CUL2: variants seen among roughly 807,000 people sequenced by gnomAD.
The protein encoded by CUL2 is cullin 2.
Under a neutral mutation model 110.2 loss-of-function variants are expected in CUL2, and 22 were observed. The observed-to-expected ratio is 0.20, with a 90% CI of 0.14 to 0.28. The LOEUF (loss-of-function observed/expected upper bound fraction) is 0.28. Among genes scored for constraint, CUL2 ranks in the 10% least tolerant of loss-of-function variants. The pLI is 1.00. For missense variants in CUL2, 631 were observed against 905.5 expected (o/e 0.70, Z 3.89); for synonymous variants, 279 against 293.2 (o/e 0.95, Z 0.49).
intron 1 of CUL2, among the ~76,000 whole-genome samples, chr10:35,125,436 ACTC>A (rs1390095943): frequency 5.9e-5 from 9 of 152,254 alleles, no homozygotes; most frequent in Non-Finnish European, 1.2e-4. Flanking sequence ...ATTCATATGA[ACTC>A]CTGTTACAGA....
chr10:35,024,732 A>G (rs927651572), intron 17 of CUL2, among the ~76,000 whole-genome samples: 2 of 152,222 alleles, frequency 1.3e-5, no homozygotes, highest in African/African-American at 4.8e-5. Context: ...CTGCAGTATC[A>G]CAAGTAAAAA....
Position 35,011,840 on chromosome 10 carries a change from C to A in CUL2, c.2106+8G>T, listed in dbSNP as rs762707681. 6.5e-7 allele frequency: 1 copy of A among 1,533,600 alleles called. No homozygotes were observed. Among genetic ancestry groups the A allele is most frequent in the African/African-American group, 1.4e-5 (1 of 73,448 alleles). The allele number at this position is 1,533,600 out of a possible 1,614,324, so 95.0% of individuals were successfully genotyped here. A position where few individuals can be genotyped will look rare whatever the true frequency, so the allele number is the denominator to read the frequency against. ...CCTAAGAAGCCCTGAGGACTGCCCT[C>A]CTTTTACCTCTTGAATAAGGGCATT... On this transcript the variant is annotated splice_region_variant and intron_variant, in intron 20 of 20. Coordinates refer to ENST00000374749, the MANE Select transcript of CUL2 (RefSeq NM_003591.4).
At chr10:35,016,926 C>CAAAAAAAAAAAAA (rs1427211253) in intron 17 of CUL2, among the ~76,000 whole-genome samples, 1 of 60,966 alleles carries the variant, frequency 1.6e-5, no homozygotes, top group Non-Finnish European at 3.4e-5. Flanking sequence ...GACTCTGTCT[C>CAAAAAAAAAAAAA]AAAAAAAAAA....
intron 1 of CUL2, among the ~76,000 whole-genome samples, chr10:35,089,349 G>A (rs1046419944): frequency 4.6e-5 from 7 of 152,172 alleles, no homozygotes; most frequent in African/African-American, 9.6e-5. Context: ...GTTTTTAAGC[G>A]ATTATTATGT....
At chr10:35,122,705 T>C (rs2087691480) in intron 1 of CUL2, among the ~76,000 whole-genome samples, 1 of 152,202 alleles carries the variant, frequency 6.6e-6, no homozygotes, top group Non-Finnish European at 1.5e-5. Context: ...TGGCACAATC[T>C]TGGCTCACTG....
rs1194516303 is a variant in CUL2, at chr10:35,035,318, A to G, written c.878-22T>C. 2.5e-6 allele frequency: 4 copies of G among 1,612,106 alleles called. No individual in the cohort carries two copies. The Admixed American group carries it at 6.7e-5, about 27-fold the overall frequency. On this transcript the variant is annotated intron_variant, in intron 9 of 20. Coordinates refer to ENST00000374749, the MANE Select transcript of CUL2 (RefSeq NM_003591.4). ...ATGTCTGAGAGGAAAAAGACATCTG[A>G]GGGTTAACTCCCAAATATTTTCATT...
intron 1 of CUL2, among the ~76,000 whole-genome samples, chr10:35,116,951 C>T (rs1344456270): frequency 1.4e-5 from 2 of 138,348 alleles, no homozygotes; most frequent in Admixed American, 7.4e-5. Context: ...GGTGAGATTC[C>T]GTCTCAAAAA....
chr10:35,123,607 T>C (rs772344340), intron 1 of CUL2, among the ~76,000 whole-genome samples: 13 of 152,104 alleles, frequency 8.5e-5, no homozygotes, highest in Non-Finnish European at 8.8e-5. Flanking sequence ...CTGAATGACA[T>C]GAGTAGAAGA....
chr10:35,080,433 T>TTTATTTA (rs2086917242), intron 1 of CUL2, among the ~76,000 whole-genome samples: 1 of 140,634 alleles, frequency 7.1e-6, no homozygotes, highest in East Asian at 2.1e-4. Context: ...GAATTCCTAT[T>TTTATTTA]TTTATTTATT....
At chr10:35,046,116 C>A (rs10437420) in intron 6 of CUL2, among the ~76,000 whole-genome samples, 56,242 of 152,100 alleles carry the variant, frequency 0.37, 10,523 homozygotes, top group African/African-American at 0.43. Context: ...ATTCTGAGAA[C>A]TATTTTTTGG....
chr10:35,114,260 C>T (rs917020781), intron 1 of CUL2, among the ~76,000 whole-genome samples: 19 of 151,340 alleles, frequency 1.3e-4, no homozygotes, highest in Admixed American at 2.6e-4. Flanking sequence ...GACAGTGTTT[C>T]CCCATGTTGG....
In CUL2 at chr10:35,012,741, C is replaced by T. The variant is rs539072341; in HGVS notation, c.1990-777G>A. ...GCAGTTAATATTTGTCTCCCCCCATCGGGAATTAAGTTTCTGGAGAGGGTC... is the reference window on the plus strand; with the variant it reads ...GCAGTTAATATTTGTCTCCCCCCATTGGGAATTAAGTTTCTGGAGAGGGTC... On this transcript the variant is annotated intron_variant, in intron 19 of 20. Coordinates refer to ENST00000374749, the MANE Select transcript of CUL2 (RefSeq NM_003591.4). Among the ~76,000 whole-genome samples, 7 of 152,294 alleles carry T rather than the reference C, an allele frequency of 4.6e-5. No individual in the cohort carries two copies. In the South Asian group the frequency reaches 1.2e-3, roughly 27 times the overall value.
intron 9 of CUL2, among the ~76,000 whole-genome samples, chr10:35,038,077 G>C (rs2085673125): frequency 6.6e-6 from 1 of 152,102 alleles, no homozygotes; most frequent in African/African-American, 2.4e-5. Flanking sequence ...TTGAACCTGG[G>C]AGGCAGGGGT....
chr10:35,120,174 G>C (rs888480215), intron 1 of CUL2: 1 of 152,158 alleles, frequency 6.6e-6, no homozygotes, highest in Non-Finnish European at 1.5e-5. Flanking sequence ...AGAAGTCCCT[G>C]AGTGAATCTG....
In CUL2 at chr10:35,103,514, G is replaced by A. The variant is rs1052185203; in HGVS notation, c.-50-2454C>T. 4.0e-5 allele frequency among the ~76,000 whole-genome samples: 6 copies of A among 151,778 alleles called. No homozygotes were observed. In the East Asian group the frequency reaches 5.9e-4, roughly 15 times the overall value. ...TAATTTTTGTATTTTTAGTAGAGAC[G>A]GGGTTTCACCGTGTCAGCCAGGATG... On this transcript the variant is annotated intron_variant, in intron 1 of 5. Coordinates refer to the CUL2 transcript ENST00000685421.
chr10:35,060,681 C>T (rs1308149320), intron 4 of CUL2, among the ~76,000 whole-genome samples, 193 bp downstream of exon 4: 1 of 152,216 alleles, frequency 6.6e-6, no homozygotes, highest in African/African-American at 2.4e-5. Flanking sequence ...ACGTTCCACA[C>T]ACTCCCTGGC....
chr10:35,021,868 GGGTGA>G (rs1312823975), intron 17 of CUL2, among the ~76,000 whole-genome samples: 57 of 98,416 alleles, frequency 5.8e-4, no homozygotes, highest in African/African-American at 8.9e-4. Flanking sequence ...AGGTGGGGTG[GGGTGA>G]GGTGGGGTGA....
At chr10:35,053,745 T>G (rs1248268414) in intron 5 of CUL2, among the ~76,000 whole-genome samples, 2 of 152,206 alleles carry the variant, frequency 1.3e-5, no homozygotes, top group Non-Finnish European at 2.9e-5. Context: ...CTCCTAATGC[T>G]GCCTCTTAGC....
chr10:35,085,361 C>G lies in CUL2; in HGVS notation c.-23+4818G>C, dbSNP rs901855452. Among the ~76,000 whole-genome samples the G allele has an allele frequency of 2.7e-5, 4 of 150,452 alleles. No individual in the cohort carries two copies. In the East Asian group the frequency reaches 8.0e-4, roughly 30 times the overall value. On this transcript the variant is annotated intron_variant, in intron 1 of 20. Coordinates refer to ENST00000374749, the MANE Select transcript of CUL2 (RefSeq NM_003591.4). ...AGGAGAATGGCGTAGACCCAGGAGG[C>G]AGAGCTTGCAGTGAGCTGAGATCGC...
Sources: allele counts gnomAD v4.1 joint callset (sites outside exome capture counted in the v4.1 genomes callset), GRCh38; gene constraint gnomAD v4.1.1; transcripts MANE v1.5; gene names NCBI Gene and HGNC (gene_info 2026-07-23, HGNC 2026-07-21).